The following SNX24 variants were observed in gnomAD, a reference collection of about 807,000 sequenced individuals.
SNX24 encodes the protein sorting nexin 24.
Under a neutral mutation model 28.7 loss-of-function variants are expected in SNX24, and 22 were observed. The ratio of observed to expected loss-of-function variants is 0.77; its 90% confidence interval spans 0.55 to 1.10. The LOEUF (loss-of-function observed/expected upper bound fraction) is 1.10. Ranked by LOEUF, SNX24 falls within the 50% of genes least tolerant of loss-of-function variation. The pLI is 0.00. For missense variants in SNX24, 221 were observed against 201.1 expected, an observed-to-expected ratio of 1.10 and a Z score of -0.60; for synonymous variants, 69 against 71.5, an observed-to-expected ratio of 0.96 and a Z score of 0.18.
chr5:122,985,486 G>C (rs1398354091), intron 3 of SNX24, among the ~76,000 whole-genome samples: 1 of 152,180 alleles, frequency 6.6e-6, no homozygotes, highest in Non-Finnish European at 1.5e-5. Context: ...TTTTCCATCT[G>C]TAAAGTGCTC....
chr5:123,000,473 A>G (rs1362598481), intron 4 of SNX24, among the ~76,000 whole-genome samples: 2 of 152,194 alleles, frequency 1.3e-5, no homozygotes, highest in Non-Finnish European at 2.9e-5. Context: ...TGACTTTCCC[A>G]AGATCTCTTG....
chr5:123,005,038 G>C (rs1289073089), intron 6 of SNX24, among the ~76,000 whole-genome samples: 3 of 152,188 alleles, frequency 2.0e-5, no homozygotes, highest in Admixed American at 6.5e-5. Context: ...TCATGCATAT[G>C]ATGAAGCCAA....
chr5:122,978,665 A>G (rs1383919696), intron 3 of SNX24, among the ~76,000 whole-genome samples: 2 of 152,174 alleles, frequency 1.3e-5, no homozygotes, highest in Non-Finnish European at 2.9e-5. Context: ...GCTTGAATCA[A>G]TTGTCAAGAG....
intron 1 of SNX24, among the ~76,000 whole-genome samples, chr5:122,888,802 C>G (rs1756825887): frequency 6.6e-6 from 1 of 152,160 alleles, no homozygotes; most frequent in Non-Finnish European, 1.5e-5. Flanking sequence ...CTATCAGCCC[C>G]CTCTGCCTGC....
At chr5:122,881,228 TAA>T (rs1554068937) in intron 1 of SNX24, among the ~76,000 whole-genome samples, 1 of 59,432 alleles carries the variant, frequency 1.7e-5, no homozygotes, top group African/African-American at 1.6e-4. Flanking sequence ...TGATTTTTTT[TAA>T]AAAACATTTC....
intron 1 of SNX24, among the ~76,000 whole-genome samples, chr5:122,898,324 T>G (rs1309674520): frequency 6.6e-6 from 1 of 152,246 alleles, no homozygotes; most frequent in East Asian, 1.9e-4. Flanking sequence ...AGGGGAAAAT[T>G]GTCTGCAAGA....
chr5:122,934,597 ATCCACCTGCC>A (rs1759104579), intron 1 of SNX24, among the ~76,000 whole-genome samples: 1 of 152,084 alleles, frequency 6.6e-6, no homozygotes, highest in East Asian at 1.9e-4. Flanking sequence ...TGACCTCATG[ATCCACCTGCC>A]TCGGCCTCGC....
intron 1 of SNX24, among the ~76,000 whole-genome samples, chr5:122,887,476 A>G (rs1756770327): frequency 6.6e-6 from 1 of 152,154 alleles, no homozygotes; most frequent in Non-Finnish European, 1.5e-5. Context: ...TCGGGTCTTT[A>G]TTGAATTCTG....
chr5:122,980,398 G>C (rs540625930), intron 3 of SNX24, among the ~76,000 whole-genome samples: 2 of 152,188 alleles, frequency 1.3e-5, no homozygotes, highest in Non-Finnish European at 2.9e-5. Flanking sequence ...GTTTGTGGAG[G>C]AGAGAGGCAA....
At chr5:122,882,815 A>G (rs1351020268) in intron 1 of SNX24, among the ~76,000 whole-genome samples, 1 of 152,176 alleles carries the variant, frequency 6.6e-6, no homozygotes, top group Non-Finnish European at 1.5e-5. Context: ...CTTTTAAATT[A>G]TGAATAATAA....
rs1198276848 is a variant in SNX24, at chr5:123,009,143, A to AT, written c.*1401dup. On this transcript the variant is annotated 3_prime_UTR_variant, in exon 7 of 7. Transcript: ENST00000261369. ...CAAAAGTAATAGTTGGGTATTGGAG[A>AT]TTTTTTTAAAATGTTTTTATGTTAT... 36 of 984,808 alleles carry AT rather than the reference A, an allele frequency of 3.7e-5. No individual in the cohort carries two copies. Among genetic ancestry groups the AT allele is most frequent in the Non-Finnish European group, 4.0e-5 (33 of 829,122 alleles). The allele number at this position is 984,808 out of a possible 1,614,324, so 61.0% of individuals were successfully genotyped here. A position where few individuals can be genotyped will look rare whatever the true frequency, so the allele number is the denominator to read the frequency against.
At chr5:122,891,234 T>G in intron 1 of SNX24, 1 of 1,104,360 alleles carries the variant, frequency 9.1e-7, no homozygotes, top group Non-Finnish European at 1.2e-6. Flanking sequence ...GACTTTAAAG[T>G]GCCTATTTAT....
intron 1 of SNX24, among the ~76,000 whole-genome samples, chr5:122,910,431 G>A (rs888953502): frequency 2.0e-5 from 3 of 152,042 alleles, no homozygotes; most frequent in Non-Finnish European, 4.4e-5. Context: ...CTCCTCCAAG[G>A]CCCAGCCTGA....
chr5:122,887,371 T>G (rs1456208558), intron 1 of SNX24, among the ~76,000 whole-genome samples: 1 of 152,246 alleles, frequency 6.6e-6, no homozygotes, highest in Non-Finnish European at 1.5e-5. Context: ...TTCTCTATCT[T>G]TACTGTTCTG....
intron 3 of SNX24, among the ~76,000 whole-genome samples, chr5:122,972,863 A>G (rs1208420886): frequency 1.3e-5 from 2 of 152,216 alleles, no homozygotes; most frequent in Non-Finnish European, 2.9e-5. Context: ...GCTCAGTGAT[A>G]GTCTCTGCTG....
In SNX24 at chr5:122,996,208, A is replaced by G. The variant is rs1248809072; in HGVS notation, c.250-3704A>G. ...CTAATAGCAAGGCAGCATACCCTCC[A>G]GTGGGATTCTAATTGACAAAGAGAT... On this transcript the variant is annotated intron_variant, in intron 3 of 6. Transcript: ENST00000261369. 3.9e-5 allele frequency among the ~76,000 whole-genome samples: 6 copies of G among 152,228 alleles called. No homozygotes were observed. The East Asian group carries it at 1.2e-3, about 29-fold the overall frequency.
intron 3 of SNX24, among the ~76,000 whole-genome samples, chr5:122,994,204 G>C (rs1263281178): frequency 6.6e-6 from 1 of 152,150 alleles, no homozygotes; most frequent in East Asian, 1.9e-4. Context: ...ATTGGCTGCT[G>C]GGTAGGTTTG....
chr5:122,855,233 G>A (rs762941179), intron 1 of SNX24, among the ~76,000 whole-genome samples: 3 of 151,954 alleles, frequency 2.0e-5, no homozygotes, highest in Admixed American at 6.6e-5. Flanking sequence ...CACTATGCCC[G>A]CCTAATTTTT....
intron 1 of SNX24, among the ~76,000 whole-genome samples, chr5:122,915,149 T>G (rs1214238367): frequency 6.6e-6 from 1 of 152,220 alleles, no homozygotes; most frequent in Non-Finnish European, 1.5e-5. Flanking sequence ...CTCAACTTAC[T>G]GCCAAGTGCT....
Sources: allele counts gnomAD v4.1 joint callset (sites outside exome capture counted in the v4.1 genomes callset), GRCh38; gene constraint gnomAD v4.1.1; transcripts MANE v1.5; gene names NCBI Gene and HGNC (gene_info 2026-07-23, HGNC 2026-07-21).